The following EPHB1 variants were observed in gnomAD, a reference collection of about 807,000 sequenced individuals.
The protein encoded by EPHB1 is EPH receptor B1.
EPHB1 carries 30 observed loss-of-function variants against 94.4 expected under a neutral mutation model. The ratio of observed to expected loss-of-function variants is 0.32; its 90% CI spans 0.24 to 0.43. The LOEUF is 0.43. Ranked by LOEUF, EPHB1 falls within the 20% of genes least tolerant of loss-of-function variation. The pLI, the probability that EPHB1 is intolerant of heterozygous loss-of-function variation, is 1.00. For synonymous variants in EPHB1, 522 were observed against 489.1 expected (o/e 1.07, Z -0.89); for missense variants, 1,055 against 1,308.3 (o/e 0.81, Z 2.99).
intron 3 of EPHB1, among the ~76,000 whole-genome samples, chr3:135,096,310 C>G (rs969301149): frequency 2.0e-5 from 3 of 152,194 alleles, no homozygotes; most frequent in Non-Finnish European, 4.4e-5. Context: ...GATCACACAG[C>G]TAGAACGTGG....
chr3:134,869,852 A>C (rs2037462596), intron 1 of EPHB1, among the ~76,000 whole-genome samples: 2 of 152,152 alleles, frequency 1.3e-5, no homozygotes, highest in South Asian at 4.1e-4. Flanking sequence ...TTGGTTTATT[A>C]ATATTTAATT....
intron 10 of EPHB1, among the ~76,000 whole-genome samples, chr3:135,187,012 A>G (rs1432345965): frequency 6.6e-6 from 1 of 152,144 alleles, no homozygotes; most frequent in Admixed American, 6.5e-5. Context: ...GGGTTTTGGG[A>G]AAGTGCATTT....
At chr3:134,798,207 T>C (rs745893721) in intron 1 of EPHB1, among the ~76,000 whole-genome samples, 1 of 152,114 alleles carries the variant, frequency 6.6e-6, no homozygotes, top group Non-Finnish European at 1.5e-5. Flanking sequence ...CCAGGGCAAA[T>C]TGCTCTGAGG....
At chr3:135,125,309 CAT>C (rs984914175) in intron 4 of EPHB1, among the ~76,000 whole-genome samples, 2 of 151,756 alleles carry the variant, frequency 1.3e-5, no homozygotes, top group East Asian at 3.9e-4. Context: ...TGATGCCTGA[CAT>C]AGAATCTTTA....
rs373321413 is a variant in EPHB1 at position 135,042,990 on chromosome 3, C to A, written c.806-63458C>A. On this transcript the variant is annotated intron_variant, in intron 3 of 15. Coordinates refer to ENST00000398015, the MANE Select transcript of EPHB1 (RefSeq NM_004441.5). ...CCGAGTAGCTGGGACTACAGGCATACGCCACCATACCTCGCTAATTTTTTG... is the reference window on the plus strand; with the variant it reads ...CCGAGTAGCTGGGACTACAGGCATAAGCCACCATACCTCGCTAATTTTTTG... 2.8e-4 allele frequency among the ~76,000 whole-genome samples: 42 copies of A among 152,100 alleles called. No individual in the cohort carries two copies. In the South Asian group the frequency reaches 8.7e-3, roughly 32 times the overall value.
At chr3:135,152,018 A>T (rs1048463572) in intron 5 of EPHB1, among the ~76,000 whole-genome samples, 2 of 152,250 alleles carry the variant, frequency 1.3e-5, no homozygotes, top group African/African-American at 4.8e-5. Flanking sequence ...TTTTATTCTA[A>T]TCTTTGCTGC....
chr3:135,039,594 C>G (rs1024154482), intron 3 of EPHB1, among the ~76,000 whole-genome samples: 1 of 152,250 alleles, frequency 6.6e-6, no homozygotes, highest in Non-Finnish European at 1.5e-5. Context: ...AGCTAAGGCC[C>G]GGCGAGAAAT....
chr3:135,104,961 A>C (rs1245671984), intron 3 of EPHB1, among the ~76,000 whole-genome samples: 1 of 152,204 alleles, frequency 6.6e-6, no homozygotes, highest in East Asian at 1.9e-4. Flanking sequence ...TTATGCGTAC[A>C]TCATCACTAT....
chr3:135,006,665 A>G (rs1485742804), intron 3 of EPHB1, among the ~76,000 whole-genome samples: 1 of 152,216 alleles, frequency 6.6e-6, no homozygotes, highest in Non-Finnish European at 1.5e-5. Flanking sequence ...CACTGTTTCT[A>G]AAAAGAGAGA....
chr3:135,217,398 C>A (rs1209451276), intron 12 of EPHB1, among the ~76,000 whole-genome samples: 1 of 150,072 alleles, frequency 6.7e-6, no homozygotes, highest in African/African-American at 2.5e-5. Context: ...TCCCCTAAAG[C>A]CTGCAATGAA....
At chr3:135,029,732 G>C (rs558244107) in intron 3 of EPHB1, among the ~76,000 whole-genome samples, 1 of 151,338 alleles carries the variant, frequency 6.6e-6, no homozygotes, top group South Asian at 2.1e-4. Context: ...GAGTATCTTT[G>C]TGGCATTCTC....
At chr3:135,098,335 T>C (rs922704619) in intron 3 of EPHB1, among the ~76,000 whole-genome samples, 1 of 125,580 alleles carries the variant, frequency 8.0e-6, no homozygotes, top group Non-Finnish European at 1.6e-5. Context: ...GAGTATGATA[T>C]GTTTGAGTGT....
intron 15 of EPHB1, among the ~76,000 whole-genome samples, chr3:135,250,426 A>C (rs1194683493): frequency 6.6e-6 from 1 of 152,096 alleles, no homozygotes; most frequent in South Asian, 2.1e-4. Flanking sequence ...ATATTCTGCT[A>C]CCTGTCCACC....
chr3:134,929,755 C>G lies in EPHB1; in HGVS notation c.123+3875C>G, dbSNP rs3772666. Among the ~76,000 whole-genome samples, 4,955 of 152,238 alleles carry G rather than the reference C, an allele frequency of 0.033. 415 individuals carry two copies. In the East Asian group the frequency reaches 0.35, roughly 11 times the overall value. On this transcript the variant is annotated intron_variant, in intron 2 of 15. Coordinates refer to ENST00000398015, the MANE Select transcript of EPHB1 (RefSeq NM_004441.5). ...CAGATTTAAGACACACAGAGGTCTT[C>G]CGGGTGAAGAGGCTCTGAGTGGTTC...
At chr3:134,943,894 A>C (rs1010088192) in intron 2 of EPHB1, among the ~76,000 whole-genome samples, 3 of 152,186 alleles carry the variant, frequency 2.0e-5, no homozygotes, top group Non-Finnish European at 4.4e-5. Flanking sequence ...CATTGTTGGG[A>C]TACTGAGGTG....
intron 5 of EPHB1, among the ~76,000 whole-genome samples, chr3:135,142,878 C>T (rs1940876464): frequency 6.6e-6 from 1 of 152,046 alleles, no homozygotes; most frequent in Admixed American, 6.5e-5. Context: ...ATATGGTGGT[C>T]CCAAGACCTG....
At chr3:135,030,995 G>C (rs992028333) in intron 3 of EPHB1, among the ~76,000 whole-genome samples, 1 of 152,120 alleles carries the variant, frequency 6.6e-6, no homozygotes, top group Non-Finnish European at 1.5e-5. Context: ...TCCAGGTGCC[G>C]TCCATCACCC....
rs778528771 is a variant in EPHB1 at position 134,951,605 on chromosome 3, G to C, written c.358G>C (p.Val120Leu). 6.2e-7 allele frequency: 1 copy of C among 1,614,040 alleles called. No homozygotes were observed. The highest frequency in any genetic ancestry group is 1.1e-5 in the South Asian group (1 of 91,086). Reference sequence around the variant, plus strand: ...CTTGTATTACTATGAGACTGACTCTGTCATTGCCACCAAGAAGTCAGCCTT... The same window carrying C: ...CTTGTATTACTATGAGACTGACTCTCTCATTGCCACCAAGAAGTCAGCCTT... ...FNLYYYETDSVIATKKSAFWS... is the reference protein window; with the variant it reads ...FNLYYYETDSLIATKKSAFWS... Residue 120 changes from valine to leucine, a missense_variant, in exon 3 of 16, where the codon GTC becomes CTC. Transcript: ENST00000398015. The surrounding 1 kb of genome is among the most constrained non-coding windows in gnomAD (Gnocchi z 4.5).
intron 10 of EPHB1, among the ~76,000 whole-genome samples, chr3:135,182,657 C>G (rs115625525): frequency 6.6e-6 from 1 of 151,740 alleles, no homozygotes; most frequent in East Asian, 2.0e-4. Context: ...TTGGCCTGAG[C>G]CTTCAAGGAT....
Sources: allele counts gnomAD v4.1 joint callset (sites outside exome capture counted in the v4.1 genomes callset), GRCh38; gene constraint gnomAD v4.1.1; non-coding constraint Gnocchi (gnomAD v3.1); transcripts MANE v1.5; gene names NCBI Gene and HGNC (gene_info 2026-07-23, HGNC 2026-07-21).